TRAFD1: variants seen among roughly 807,000 people sequenced by gnomAD.
TRAFD1 encodes the protein TRAF-type zinc finger domain-containing protein 1.
A neutral mutation model predicts 65.3 loss-of-function variants in TRAFD1; 38 were observed. The observed-to-expected ratio is 0.58, with a 90% confidence interval of 0.45 to 0.76. The LOEUF (loss-of-function observed/expected upper bound fraction) is 0.76, where lower values mean the gene tolerates loss of function less well. Ranked by LOEUF, TRAFD1 falls within the 30% of genes least tolerant of loss-of-function variation. The pLI, the probability that TRAFD1 is intolerant of heterozygous loss-of-function variation, is 0.00. For missense variants in TRAFD1, 631 were observed against 712.6 expected, an observed-to-expected ratio of 0.89 and a Z score of 1.30; for synonymous variants, 223 against 257.2, an observed-to-expected ratio of 0.87 and a Z score of 1.27.
chr12:112,141,468 C>G (rs1005826268), intron 5 of TRAFD1: 6 of 484,042 alleles, frequency 1.2e-5, no homozygotes, highest in East Asian at 3.5e-5. Flanking sequence ...TTGAGTATCC[C>G]TTATCCAAAA....
intron 1 of TRAFD1, among the ~76,000 whole-genome samples, chr12:112,127,458 G>A (rs923056477): frequency 1.3e-5 from 2 of 152,164 alleles, no homozygotes; most frequent in Non-Finnish European, 2.9e-5. Context: ...GTGGCACACA[G>A]TATGGTCTTC....
At chr12:112,143,890 C>CA (rs2030161072) in intron 6 of TRAFD1, among the ~76,000 whole-genome samples, 1 of 150,360 alleles carries the variant, frequency 6.7e-6, no homozygotes, top group Non-Finnish European at 1.5e-5. Flanking sequence ...GCACCACTAC[C>CA]TTTTTTTTTG....
intron 2 of TRAFD1, among the ~76,000 whole-genome samples, chr12:112,131,467 T>C (rs2079565831): frequency 6.6e-6 from 1 of 152,112 alleles, no homozygotes; most frequent in Non-Finnish European, 1.5e-5. Context: ...GCCAAAGAAA[T>C]TAAAGAAAAA....
rs1186280020 is a variant in TRAFD1 at position 112,129,196 on chromosome 12, T to TA, written c.-12-1315_-12-1314insA. ...CCAGAAAAAGGGTGGGATGGTGATT[T>TA]TTTTTTTTTTTTTTTTTTTTTTTGA... is the stretch of plus-strand genomic sequence containing the variant. On this transcript the variant is annotated intron_variant, in intron 1 of 11. Transcript: ENST00000412615. Among the ~76,000 whole-genome samples, 6 of 125,768 alleles carry TA rather than the reference T, an allele frequency of 4.8e-5. No homozygotes were observed. In the South Asian group the frequency reaches 1.5e-3, roughly 32 times the overall value. 82.5% of individuals were successfully genotyped at this position (125,768 alleles called of 152,430 possible).
At chr12:112,147,146 C>T (rs905306475) in intron 7 of TRAFD1, among the ~76,000 whole-genome samples, 1 of 151,942 alleles carries the variant, frequency 6.6e-6, no homozygotes, top group African/African-American at 2.4e-5. Flanking sequence ...ACTACAGGCA[C>T]ACACCACCAT....
Position 112,145,568 on chromosome 12 carries a change from G to A in TRAFD1, c.851-18G>A. 1.2e-6 allele frequency: 2 copies of A among 1,613,858 alleles called. No homozygotes were observed. The highest frequency in any genetic ancestry group is 1.6e-4 in the Middle Eastern group (1 of 6,062). ...GTTTTTGTTCATCCTGAGTCTCATT[G>A]TGTGGCCTAATACCTAGGTGCAGCT... On this transcript the variant is annotated intron_variant, in intron 6 of 11. Coordinates refer to ENST00000412615, the MANE Select transcript of TRAFD1 (RefSeq NM_006700.3).
chr12:112,133,968 T>C (rs985632862), intron 2 of TRAFD1, among the ~76,000 whole-genome samples: 2 of 150,268 alleles, frequency 1.3e-5, no homozygotes, highest in African/African-American at 4.9e-5. Flanking sequence ...AGCCTCCCAA[T>C]GTGCTGGCGT....
At chr12:112,149,378 G>C (rs2030339085) in intron 8 of TRAFD1, 2 of 193,082 alleles carry the variant, frequency 1.0e-5, no homozygotes, top group Admixed American at 1.1e-4. Flanking sequence ...TGAAGGTAGT[G>C]AGTTATCTCA....
At chr12:112,135,994 T>G (rs142033612) in intron 4 of TRAFD1, among the ~76,000 whole-genome samples, 1 of 151,054 alleles carries the variant, frequency 6.6e-6, no homozygotes, top group Non-Finnish European at 1.5e-5. Context: ...ATACAACAAT[T>G]AGCTGGGCGT....
intron 7 of TRAFD1, among the ~76,000 whole-genome samples, chr12:112,146,037 G>T (rs969351202): frequency 7.8e-6 from 1 of 128,312 alleles, no homozygotes; most frequent in Non-Finnish European, 1.6e-5. Context: ...GGGGAGGGGG[G>T]AGGGATAGCA....
At chr12:112,149,901 C>G (rs560665923) in intron 9 of TRAFD1, 30 bp downstream of exon 9, 9 of 1,612,672 alleles carry the variant, frequency 5.6e-6, no homozygotes, top group Non-Finnish European at 7.6e-6. Context: ...CAGCCAAGGC[C>G]GCAGGTCTAC....
At position 112,140,186 on chromosome 12, in the gene TRAFD1, T is replaced by C. The variant is rs10850004; in HGVS notation, c.238-633T>C. 0.049 allele frequency: 14,099 copies of C among 288,086 alleles called. 2,134 individuals are homozygous for C. In the East Asian group the frequency reaches 0.62, roughly 13 times the overall value. The allele number at this position is 288,086 out of a possible 1,614,324, so 17.8% of individuals were successfully genotyped here. A position where few individuals can be genotyped will look rare whatever the true frequency, so the allele number is the denominator to read the frequency against. On this transcript the variant is annotated intron_variant, in intron 4 of 11. Transcript: ENST00000412615. ...CTGTAATCCCAGCACTTTGGGAGGCTGAGGCGGGCGGATCACAAGGTCAGA... is the reference window on the plus strand; with the variant it reads ...CTGTAATCCCAGCACTTTGGGAGGCCGAGGCGGGCGGATCACAAGGTCAGA...
intron 4 of TRAFD1, 113 bp downstream of exon 4, chr12:112,135,179 T>A: frequency 8.1e-7 from 1 of 1,237,004 alleles, no homozygotes; most frequent in Non-Finnish European, 1.2e-6. Flanking sequence ...CTCACATGCA[T>A]ACTGTTTCTC....
chr12:112,137,189 C>T lies in TRAFD1; in HGVS notation c.237+2123C>T, dbSNP rs2029935646. On this transcript the variant is annotated intron_variant, in intron 4 of 11. Transcript: ENST00000412615. The surrounding 1 kb of genome is among the most constrained non-coding windows in gnomAD (Gnocchi z 4.2). ...AGTGAGCCGAGATCGTGCCATTGCA[C>T]TCCAGCCTGGGTGACAGGGTGAGAC... Among the ~76,000 whole-genome samples the T allele has an allele frequency of 6.6e-6, 1 of 152,132 alleles. No individual in the cohort carries two copies. Among genetic ancestry groups the T allele is most frequent in the Non-Finnish European group, 1.5e-5 (1 of 68,012 alleles).
Position 112,152,361 on chromosome 12 carries a change from C to G in TRAFD1, c.1620-66C>G, listed in dbSNP as rs1354779989. 6.3e-7 allele frequency: 1 copy of G among 1,590,248 alleles called. No homozygotes were observed. The highest frequency in any genetic ancestry group is 8.6e-7 in the Non-Finnish European group (1 of 1,167,920). On this transcript the variant is annotated intron_variant, in intron 10 of 11. Transcript: ENST00000412615. The surrounding 1 kb of genome is among the most constrained non-coding windows in gnomAD (Gnocchi z 5.0). Reference sequence around the variant, plus strand: ...GCTAGCATAGGACTGCTTCCTGTTCCCTCTGAGTTTGTTGACCTTTGCTCA... The same window carrying G: ...GCTAGCATAGGACTGCTTCCTGTTCGCTCTGAGTTTGTTGACCTTTGCTCA...
rs752666303 is a variant in TRAFD1, at chr12:112,151,795, T to C, written c.1280-6T>C. The C allele has an allele frequency of 8.1e-6, 13 of 1,609,730 alleles. No individual in the cohort carries two copies. Among genetic ancestry groups the C allele is most frequent in the Non-Finnish European group, 1.0e-5 (12 of 1,176,764 alleles). On this transcript the variant is annotated splice_polypyrimidine_tract_variant and splice_region_variant and intron_variant, in intron 9 of 11. Coordinates refer to ENST00000412615, the MANE Select transcript of TRAFD1 (RefSeq NM_006700.3). ...TCCTAAAGCTGTTACCATTTTCTCT[T>C]CTCAGGAGACCTGTCTTCTGGTTAC...
At chr12:112,141,898 G>A in intron 5 of TRAFD1, 191 bp from the exon 6 acceptor site, 1 of 592,592 alleles carries the variant, frequency 1.7e-6, no homozygotes, top group Non-Finnish European at 3.0e-6. Flanking sequence ...TAATAATGGA[G>A]CCTTTTCACA....
intron 1 of TRAFD1, among the ~76,000 whole-genome samples, chr12:112,128,005 C>A (rs569104650): frequency 6.6e-6 from 1 of 150,728 alleles, no homozygotes; most frequent in Admixed American, 6.6e-5. Flanking sequence ...ACCTGGCCCA[C>A]AGTATTGTCC....
At chr12:112,140,191 C>T (rs1402208524) in intron 4 of TRAFD1, 20 of 274,652 alleles carry the variant, frequency 7.3e-5, no homozygotes, top group Non-Finnish European at 1.0e-4. Flanking sequence ...GAGGCTGAGG[C>T]GGGCGGATCA....
Sources: gnomAD v4.1 joint callset for allele counts (sites outside exome capture counted in the v4.1 genomes callset) on GRCh38, gnomAD v4.1.1 for gene constraint, Gnocchi (gnomAD v3.1) non-coding constraint, MANE v1.5 for transcripts, NCBI Gene and HGNC (gene_info 2026-07-23, HGNC 2026-07-21) for gene names.